HDAC2: variants seen among roughly 807,000 people sequenced by gnomAD.
HDAC2 encodes YY1-associated factor 1.
In HDAC2, 5 loss-of-function variants were observed where a neutral mutation model predicts 68.5. The observed-to-expected ratio is 0.07, with a 90% CI of 0.04 to 0.15. HDAC2 has a LOEUF of 0.15. HDAC2 is among the 10% of genes least tolerant of loss of function. The pLI, the probability that HDAC2 is intolerant of heterozygous loss-of-function variation, is 1.00. For synonymous variants in HDAC2, 182 were observed against 191.3 expected, an observed-to-expected ratio of 0.95 and a Z score of 0.40; for missense variants, 291 against 600.8, an observed-to-expected ratio of 0.48 and a Z score of 5.39.
chr6:113,954,106 C>T (rs781363257), intron 5 of HDAC2, among the ~76,000 whole-genome samples: 3 of 152,262 alleles, frequency 2.0e-5, no homozygotes, highest in South Asian at 2.1e-4. Flanking sequence ...GTAACTCAAA[C>T]GCAGTTTAGG....
chr6:113,956,523 T>C, intron 4 of HDAC2, 96 bp downstream of exon 4: 3 of 823,012 alleles, frequency 3.6e-6, no homozygotes, highest in Non-Finnish European at 6.2e-6. Flanking sequence ...GTTATCAAAA[T>C]TCACAATCAT....
chr6:113,938,876 CTCT>C lies in HDAC2; in HGVS notation c.*2179_*2181del, dbSNP rs1388853838. ...CTTGCTGAAATTGCTTTAGATAGTTCTCTTGAGGTTTTAGTTGTATATAACCAA... is the reference window on the plus strand; with the variant it reads ...CTTGCTGAAATTGCTTTAGATAGTTCTGAGGTTTTAGTTGTATATAACCAA... On this transcript the variant is annotated 3_prime_UTR_variant, in exon 14 of 14. Coordinates refer to ENST00000519065, the MANE Select transcript of HDAC2 (RefSeq NM_001527.4). 6.6e-6 allele frequency: 1 copy of C among 152,108 alleles called. No homozygotes were observed. Among genetic ancestry groups the C allele is most frequent in the East Asian group, 1.9e-4 (1 of 5,198 alleles). The allele number at this position is 152,108 out of a possible 1,614,324, so 9.4% of individuals were successfully genotyped here.
chr6:113,957,395 G>A (rs1776580401), intron 3 of HDAC2: 1 of 151,888 alleles, frequency 6.6e-6, no homozygotes, highest in East Asian at 1.9e-4. Flanking sequence ...AAGGGTCCTT[G>A]TTTTGTATAT....
chr6:113,969,302 G>A (rs561104646), intron 1 of HDAC2, among the ~76,000 whole-genome samples: 2 of 152,266 alleles, frequency 1.3e-5, no homozygotes, highest in South Asian at 4.1e-4. Flanking sequence ...ATTTAGATTT[G>A]TTCTGTAAGA....
At chr6:113,963,787 G>C (rs1395708796) in intron 1 of HDAC2, among the ~76,000 whole-genome samples, 3 of 152,104 alleles carry the variant, frequency 2.0e-5, no homozygotes, top group African/African-American at 7.2e-5. Flanking sequence ...GCTCAAGGTG[G>C]TTCCTTGAAC....
chr6:113,954,807 C>T (rs6907834), intron 5 of HDAC2, among the ~76,000 whole-genome samples: 44,142 of 152,002 alleles, frequency 0.29, 6,516 homozygotes, highest in East Asian at 0.37. Context: ...CAGTATAATA[C>T]AAAGTAGAAT....
chr6:113,944,454 T>C (rs1776221342), intron 10 of HDAC2, 44 bp from the exon 11 acceptor site: 3 of 1,556,642 alleles, frequency 1.9e-6, no homozygotes, highest in African/African-American at 1.4e-5. Flanking sequence ...TTAAATTTCT[T>C]TGCAGTTCTT....
rs1337378380 is a variant in HDAC2, at chr6:113,944,184, C to T, written c.1222+96G>A. On this transcript the variant is annotated intron_variant, in intron 11 of 13. Transcript: ENST00000519065. Reference sequence around the variant, plus strand: ...AAAATGACAATATTAACAGTGTGCTCGTGAACATGACTTTATAGTGAAGTT... The same window carrying T: ...AAAATGACAATATTAACAGTGTGCTTGTGAACATGACTTTATAGTGAAGTT... The T allele has an allele frequency of 1.1e-5, 12 of 1,063,100 alleles. No individual in the cohort carries two copies. The East Asian group carries it at 2.1e-4, about 19-fold the overall frequency. 65.9% of individuals were successfully genotyped at this position (1,063,100 alleles called of 1,614,324 possible). A position where few individuals can be genotyped will look rare whatever the true frequency, so the allele number is the denominator to read the frequency against.
chr6:113,967,807 TG>T (rs1776859374), intron 1 of HDAC2, among the ~76,000 whole-genome samples: 1 of 152,246 alleles, frequency 6.6e-6, no homozygotes, highest in Non-Finnish European at 1.5e-5. Context: ...TCTAATTAGC[TG>T]TATCATTTTA....
chr6:113,945,906 T>G, intron 9 of HDAC2, 102 bp downstream of exon 9: 1 of 916,400 alleles, frequency 1.1e-6, no homozygotes, highest in Non-Finnish European at 1.7e-6. Context: ...TTATCATACT[T>G]TCAACTTATG....
intron 1 of HDAC2, among the ~76,000 whole-genome samples, chr6:113,962,963 C>CAA (rs796684838): frequency 5.4e-4 from 34 of 62,646 alleles, no homozygotes; most frequent in Admixed American, 1.3e-3. Flanking sequence ...GACTCTGTAT[C>CAA]AAAAAAAAAA....
At chr6:113,970,361 C>T in intron 1 of HDAC2, 3 of 661,374 alleles carry the variant, frequency 4.5e-6, no homozygotes, top group Non-Finnish European at 5.6e-6. Flanking sequence ...GGGAAGGGGA[C>T]GGGAGGGGCG....
At chr6:113,958,942 A>G (rs1181300170) in intron 2 of HDAC2, among the ~76,000 whole-genome samples, 176 bp from the exon 3 acceptor site, 2 of 152,172 alleles carry the variant, frequency 1.3e-5, no homozygotes, top group Non-Finnish European at 2.9e-5. Flanking sequence ...ACAGTAATCA[A>G]TCTCAAAACT....
At chr6:113,949,719 AT>A (rs1228198128) in intron 6 of HDAC2, among the ~76,000 whole-genome samples, 2 of 152,164 alleles carry the variant, frequency 1.3e-5, no homozygotes, top group East Asian at 3.9e-4. Context: ...GAGTTTACTT[AT>A]GATGAAAGAA....
Position 113,934,034 on chromosome 6 carries a change from G to C in HDAC2, c.*7024C>G, listed in dbSNP as rs182994167. ...AACTGACTTAAAACTTTAAAAAACT[G>C]AATTTCTACGGGTAAATGTTTAAAT... On this transcript the variant is annotated 3_prime_UTR_variant, in exon 14 of 14. Coordinates refer to ENST00000519065, the MANE Select transcript of HDAC2 (RefSeq NM_001527.4). The C allele has an allele frequency of 5.9e-5, 9 of 151,998 alleles. No homozygotes were observed. Among genetic ancestry groups the C allele is most frequent in the Admixed American group, 2.0e-4 (3 of 15,272 alleles). 9.4% of individuals were successfully genotyped at this position (151,998 alleles called of 1,614,324 possible). A position where few individuals can be genotyped will look rare whatever the true frequency, so the allele number is the denominator to read the frequency against.
chr6:113,938,011 G>T lies in HDAC2; in HGVS notation c.*3047C>A, dbSNP rs1776044602. 6.6e-6 allele frequency: 1 copy of T among 152,196 alleles called. No individual in the cohort carries two copies. The highest frequency in any genetic ancestry group is 6.5e-5 in the Admixed American group (1 of 15,286). 9.4% of individuals were successfully genotyped at this position (152,196 alleles called of 1,614,324 possible). A position where few individuals can be genotyped will look rare whatever the true frequency, so the allele number is the denominator to read the frequency against. On this transcript the variant is annotated 3_prime_UTR_variant, in exon 14 of 14. Coordinates refer to ENST00000519065, the MANE Select transcript of HDAC2 (RefSeq NM_001527.4). ...AAATGCGAACAATTAGCTGGGCGTG[G>T]TGACAGGCGCCTGTAATCCCAGCTA...
intron 6 of HDAC2, among the ~76,000 whole-genome samples, chr6:113,952,138 T>G (rs1358701579): frequency 2.6e-5 from 4 of 152,300 alleles, no homozygotes; most frequent in South Asian, 2.1e-4. Context: ...AGAATGTGTA[T>G]TTCTAACAAG....
chr6:113,962,214 A>G (rs935011201), intron 1 of HDAC2, among the ~76,000 whole-genome samples: 25 of 152,174 alleles, frequency 1.6e-4, no homozygotes, highest in Non-Finnish European at 1.9e-4. Context: ...TTCCTATTGT[A>G]TAATAGTAAA....
chr6:113,956,265 A>G (rs1776550068), intron 4 of HDAC2, 114 bp from the exon 5 acceptor site: 1 of 866,760 alleles, frequency 1.2e-6, no homozygotes, highest in Non-Finnish European at 1.8e-6. Context: ...AAAATCATGA[A>G]AGTTAACAGA....
Sources: allele counts gnomAD v4.1 joint callset (sites outside exome capture counted in the v4.1 genomes callset), GRCh38; gene constraint gnomAD v4.1.1; transcripts MANE v1.5; gene names NCBI Gene and HGNC (gene_info 2026-07-23, HGNC 2026-07-21).